Variants in AGAP1 observed in about 807,000 individuals in gnomAD.
AGAP1 encodes the protein arf-GAP with GTPase, ANK repeat and PH domain-containing protein 1.
Under a neutral mutation model 105.3 loss-of-function variants are expected in AGAP1, and 29 were observed. The observed-to-expected ratio is 0.28, with a 90% CI of 0.21 to 0.38. The LOEUF (loss-of-function observed/expected upper bound fraction) is 0.38. Among genes scored for constraint, AGAP1 ranks in the 10% least tolerant of loss-of-function variants. The pLI, the probability that AGAP1 is intolerant of heterozygous loss-of-function variation, is 1.00. For synonymous variants in AGAP1, 509 were observed against 485.9 expected, an observed-to-expected ratio of 1.05 and a Z score of -0.63; for missense variants, 998 against 1,165.1, an observed-to-expected ratio of 0.86 and a Z score of 2.09.
chr2:235,762,133 G>T (rs573672930), intron 6 of AGAP1, among the ~76,000 whole-genome samples: 3 of 150,050 alleles, frequency 2.0e-5, no homozygotes, highest in Non-Finnish European at 4.4e-5. Context: ...AAAAAAAATT[G>T]CAGAGAATAT....
rs574655199 is a variant in AGAP1 at position 235,509,440 on chromosome 2, C to T, written c.163+14591C>T. On this transcript the variant is annotated intron_variant, in intron 1 of 17. Coordinates refer to ENST00000304032, the MANE Select transcript of AGAP1 (RefSeq NM_001037131.3). ...AGTAGAGACGGTTTCACCATGTTGG[C>T]CAGGCTGGTCTCGAACTCCTGACCT... Among the ~76,000 whole-genome samples the T allele has an allele frequency of 7.6e-4, 115 of 152,040 alleles. 1 individual carries two copies. The highest frequency in any genetic ancestry group is 2.7e-3 in the African/African-American group (112 of 41,452).
rs111805169 is a variant in AGAP1, at chr2:235,946,149, A to C, written c.1483+15226A>C. 5.5e-3 allele frequency among the ~76,000 whole-genome samples: 843 copies of C among 152,170 alleles called. 5 individuals are homozygous for C. The highest frequency in any genetic ancestry group is 0.014 in the Middle Eastern group (4 of 294). On this transcript the variant is annotated intron_variant, in intron 12 of 17. Coordinates refer to ENST00000304032, the MANE Select transcript of AGAP1 (RefSeq NM_001037131.3). ...TTGTAGAAACATTTAAAATGCAGAT[A>C]AGCTCTTTGGTTTCTAAAAAACTCA... is the stretch of plus-strand genomic sequence containing the variant.
rs1186877904 is a variant in AGAP1 at position 235,701,115 on chromosome 2, A to G, written c.164-8064A>G. Among the ~76,000 whole-genome samples, 1 of 147,220 alleles carries G rather than the reference A, an allele frequency of 6.8e-6. No individual in the cohort carries two copies. Among genetic ancestry groups the G allele is most frequent in the Non-Finnish European group, 1.5e-5 (1 of 67,240 alleles). ...TATACTCTATAATATAGTTATATGT[A>G]CATATTATATATTATGTATATATGA... On this transcript the variant is annotated intron_variant, in intron 1 of 17. Coordinates refer to ENST00000304032, the MANE Select transcript of AGAP1 (RefSeq NM_001037131.3). The surrounding 1 kb of genome is among the most constrained non-coding windows in gnomAD (Gnocchi z 4.1).
Position 235,751,263 on chromosome 2 carries a change from A to G in AGAP1, c.673+775A>G, listed in dbSNP as rs1029840822. 6.6e-6 allele frequency among the ~76,000 whole-genome samples: 1 copy of G among 152,176 alleles called. No homozygotes were observed. Among genetic ancestry groups the G allele is most frequent in the Non-Finnish European group, 1.5e-5 (1 of 68,032 alleles). ...GATACTTCTAAAGCCAGTCTTTTCA[A>G]GTTGGAAGCTTGGGAGAGGCATGGT... On this transcript the variant is annotated intron_variant, in intron 6 of 17. Coordinates refer to ENST00000304032, the MANE Select transcript of AGAP1 (RefSeq NM_001037131.3). The surrounding 1 kb of genome is among the most constrained non-coding windows in gnomAD (Gnocchi z 5.3).
Position 235,989,408 on chromosome 2 carries a change from A to G in AGAP1, c.1645+20785A>G, listed in dbSNP as rs561709145. Among the ~76,000 whole-genome samples the G allele has an allele frequency of 6.6e-6, 1 of 152,240 alleles. No individual in the cohort carries two copies. The highest frequency in any genetic ancestry group is 2.4e-5 in the African/African-American group (1 of 41,546). On this transcript the variant is annotated intron_variant, in intron 13 of 17. Coordinates refer to ENST00000304032, the MANE Select transcript of AGAP1 (RefSeq NM_001037131.3). The surrounding 1 kb of genome is among the most constrained non-coding windows in gnomAD (Gnocchi z 4.4). ...GGGAGGAAGAACAGACCAGGTGAAA[A>G]CATCAGGAGGAGGGTCCGCAGCTCG...
intron 9 of AGAP1, among the ~76,000 whole-genome samples, chr2:235,819,948 G>A (rs1958696507): frequency 7.2e-6 from 1 of 139,768 alleles, no homozygotes. Flanking sequence ...TTGTTGCCCA[G>A]GCTGGAGTGC....
intron 6 of AGAP1, among the ~76,000 whole-genome samples, chr2:235,771,865 C>G (rs1955476228): frequency 6.6e-6 from 1 of 152,054 alleles, no homozygotes; most frequent in African/African-American, 2.4e-5. Context: ...ATCATTCATC[C>G]TTTTTACTTG....
Position 235,560,436 on chromosome 2 carries a change from C to A in AGAP1, c.163+65587C>A, listed in dbSNP as rs145164506. On this transcript the variant is annotated intron_variant, in intron 1 of 17. Transcript: ENST00000304032. The stretch of plus-strand genomic sequence containing the variant: ...GGCCCCGAGATGCCTGTCCCCTAAT[C>A]CCCAGAACTTGCGATGATGTTACCT... Among the ~76,000 whole-genome samples the A allele has an allele frequency of 4.6e-3, 704 of 152,178 alleles. 2 individuals carry two copies. Among genetic ancestry groups the A allele is most frequent in the Non-Finnish European group, 5.6e-3 (381 of 68,002 alleles).
intron 10 of AGAP1, among the ~76,000 whole-genome samples, chr2:235,903,137 A>G (rs2051143709): frequency 6.6e-6 from 1 of 152,148 alleles, no homozygotes; most frequent in South Asian, 2.1e-4. Context: ...AGTATTATAT[A>G]TTAATATAAA....
At chr2:235,937,122 G>A (rs912518349) in intron 12 of AGAP1, among the ~76,000 whole-genome samples, 3 of 152,148 alleles carry the variant, frequency 2.0e-5, no homozygotes, top group Non-Finnish European at 2.9e-5. Flanking sequence ...ATTCAAAAGC[G>A]TTCCCTGGGG....
At chr2:236,066,975 C>A (rs2058361475) in intron 16 of AGAP1, among the ~76,000 whole-genome samples, 1 of 152,126 alleles carries the variant, frequency 6.6e-6, no homozygotes, top group Non-Finnish European at 1.5e-5. Context: ...ACCAATGATA[C>A]ATTTTCCCCA....
In AGAP1 at chr2:235,752,583, C is replaced by T. The variant is rs1953538530; in HGVS notation, c.673+2095C>T. 1.3e-5 allele frequency among the ~76,000 whole-genome samples: 2 copies of T among 152,152 alleles called. No individual in the cohort carries two copies. The highest frequency in any genetic ancestry group is 4.8e-5 in the African/African-American group (2 of 41,438). ...CAGCAGAGATGAGGGTCTTTGCGGC[C>T]TGAGAAGCCCAGAATATTCACTCTC... On this transcript the variant is annotated intron_variant, in intron 6 of 17. Coordinates refer to ENST00000304032, the MANE Select transcript of AGAP1 (RefSeq NM_001037131.3). The surrounding 1 kb of genome is among the most constrained non-coding windows in gnomAD (Gnocchi z 4.3).
chr2:235,959,123 G>A lies in AGAP1; in HGVS notation c.1484-9339G>A, dbSNP rs551974230. Among the ~76,000 whole-genome samples the A allele has an allele frequency of 6.6e-6, 1 of 152,276 alleles. No homozygotes were observed. Among genetic ancestry groups the A allele is most frequent in the East Asian group, 1.9e-4 (1 of 5,158 alleles). On this transcript the variant is annotated intron_variant, in intron 12 of 17. Transcript: ENST00000304032. The surrounding 1 kb of genome is among the most constrained non-coding windows in gnomAD (Gnocchi z 7.3). ...GGCGCTCGCTTTTTTAATTTGGCAT[G>A]GCTTTTTTCTCTTAGCCTCTCCCCT...
chr2:236,062,886 T>C lies in AGAP1; in HGVS notation c.2114+13605T>C, dbSNP rs1304844747. 6.6e-6 allele frequency among the ~76,000 whole-genome samples: 1 copy of C among 152,070 alleles called. No homozygotes were observed. Among genetic ancestry groups the C allele is most frequent in the South Asian group, 2.1e-4 (1 of 4,800 alleles). On this transcript the variant is annotated intron_variant, in intron 16 of 17. Transcript: ENST00000304032. This position sits in a 1 kb window ranked among gnomAD's most constrained non-coding sequence, Gnocchi z 4.2. ...CATCTTGGCCAGGCTGGTCTTGAAC[T>C]CCTGACCTCATGATCCACCCACCTT...
chr2:235,527,479 C>A (rs1942883493), intron 1 of AGAP1, among the ~76,000 whole-genome samples: 2 of 152,110 alleles, frequency 1.3e-5, no homozygotes, highest in South Asian at 4.1e-4. Flanking sequence ...CAGGTGATCC[C>A]CCCACCATAG....
rs764269504 is a variant in AGAP1, at chr2:235,700,333, A to G, written c.164-8846A>G. Among the ~76,000 whole-genome samples the G allele has an allele frequency of 2.0e-5, 3 of 152,014 alleles. No individual in the cohort carries two copies. Among genetic ancestry groups the G allele is most frequent in the African/African-American group, 4.8e-5 (2 of 41,384 alleles). On this transcript the variant is annotated intron_variant, in intron 1 of 17. Coordinates refer to ENST00000304032, the MANE Select transcript of AGAP1 (RefSeq NM_001037131.3). This position sits in a 1 kb window ranked among gnomAD's most constrained non-coding sequence, Gnocchi z 6.1. Reference sequence around the variant, plus strand: ...TTCACATTTTAAGAAGGAAAGGGCAATTTTCTTCCTTGCCGTTTTGACTTT... The same window carrying G: ...TTCACATTTTAAGAAGGAAAGGGCAGTTTTCTTCCTTGCCGTTTTGACTTT...
rs1454968455 is a variant in AGAP1, at chr2:235,961,961, C to A, written c.1484-6501C>A. On this transcript the variant is annotated intron_variant, in intron 12 of 17. Transcript: ENST00000304032. This position sits in a 1 kb window ranked among gnomAD's most constrained non-coding sequence, Gnocchi z 5.9. ...GAGCATCCATTTCCCAGGGGAGGGG[C>A]CCCGCGCCCATGGAGACTGCTGGGG... Among the ~76,000 whole-genome samples, 1 of 152,102 alleles carries A rather than the reference C, an allele frequency of 6.6e-6. No homozygotes were observed. Among genetic ancestry groups the A allele is most frequent in the East Asian group, 1.9e-4 (1 of 5,184 alleles).
At chr2:235,687,291 A>T (rs10188236) in intron 1 of AGAP1, among the ~76,000 whole-genome samples, 1 of 152,064 alleles carries the variant, frequency 6.6e-6, no homozygotes, top group African/African-American at 2.4e-5. Context: ...TGAAGTCTAA[A>T]GTAGATATTG....
rs1443702367 is a variant in AGAP1, at chr2:235,738,428, C to T, written c.311-2535C>T. ...CTGGAGGTCACTCAGCCAGGGAGGG[C>T]TCGGCAGGGATTTGAACCTGGTGGG... On this transcript the variant is annotated intron_variant, in intron 3 of 17. Transcript: ENST00000304032. Among the ~76,000 whole-genome samples, 5 of 152,074 alleles carry T rather than the reference C, an allele frequency of 3.3e-5. No homozygotes were observed. In the East Asian group the frequency reaches 9.7e-4, roughly 29 times the overall value.
Sources: allele counts gnomAD v4.1 joint callset (sites outside exome capture counted in the v4.1 genomes callset), GRCh38; gene constraint gnomAD v4.1.1; non-coding constraint Gnocchi (gnomAD v3.1); transcripts MANE v1.5; gene names NCBI Gene and HGNC (gene_info 2026-07-23, HGNC 2026-07-21).